The following SNTG2 variants were observed in gnomAD, a reference collection of about 807,000 sequenced individuals.
SNTG2 encodes gamma-2-syntrophin.
Under a neutral mutation model 70.9 loss-of-function variants are expected in SNTG2, and 74 were observed. That is an observed-to-expected ratio of 1.04 (90% CI 0.86 to 1.27). The LOEUF is 1.27. Ranked by LOEUF, SNTG2 falls within the 50% of genes most tolerant of loss-of-function variation. The pLI, the probability that SNTG2 is intolerant of heterozygous loss-of-function variation, is 0.00. For synonymous variants in SNTG2, 278 were observed against 273.8 expected, an observed-to-expected ratio of 1.02 and a Z score of -0.15; for missense variants, 717 against 690.7, an observed-to-expected ratio of 1.04 and a Z score of -0.43.
chr2:1,041,347 A>G (rs1402822352), intron 1 of SNTG2, among the ~76,000 whole-genome samples: 1 of 152,242 alleles, frequency 6.6e-6, no homozygotes, highest in Non-Finnish European at 1.5e-5. Context: ...AAAGTCTTTA[A>G]CATGTCTAGA....
intron 1 of SNTG2, among the ~76,000 whole-genome samples, chr2:1,070,610 C>A (rs968812603): frequency 6.6e-6 from 1 of 152,124 alleles, no homozygotes; most frequent in South Asian, 2.1e-4. Context: ...TAGAAAGTGA[C>A]ACAGCAGGGA....
chr2:1,304,376 T>C (rs11889939), intron 14 of SNTG2, among the ~76,000 whole-genome samples: 13,497 of 152,198 alleles, frequency 0.089, 734 homozygotes, highest in South Asian at 0.14. Flanking sequence ...AGTTACAGCA[T>C]CTCACCTGAG....
At chr2:1,335,131 G>T (rs779016047) in intron 16 of SNTG2, among the ~76,000 whole-genome samples, 2 of 152,108 alleles carry the variant, frequency 1.3e-5, no homozygotes, top group South Asian at 2.1e-4. Context: ...ACCCTAAAGC[G>T]CACTGAGCCT....
chr2:1,172,526 G>A (rs2147882126), intron 7 of SNTG2, among the ~76,000 whole-genome samples: 1 of 152,274 alleles, frequency 6.6e-6, no homozygotes, highest in Non-Finnish European at 1.5e-5. Context: ...TATGTCCCCT[G>A]GGTAATCCAT....
At chr2:1,055,308 T>G (rs1205497851) in intron 1 of SNTG2, among the ~76,000 whole-genome samples, 1 of 152,228 alleles carries the variant, frequency 6.6e-6, no homozygotes, top group African/African-American at 2.4e-5. Flanking sequence ...GGCTTCTTTC[T>G]GTAAGTTTTT....
intron 2 of SNTG2, among the ~76,000 whole-genome samples, chr2:1,084,334 C>T (rs1035973343): frequency 3.3e-5 from 5 of 152,166 alleles, no homozygotes; most frequent in African/African-American, 7.2e-5. Context: ...ACGGGTTTCC[C>T]GAGAAGGTCC....
chr2:1,139,197 T>G (rs2147768570), intron 6 of SNTG2, among the ~76,000 whole-genome samples: 1 of 152,260 alleles, frequency 6.6e-6, no homozygotes, highest in Middle Eastern at 3.4e-3. Flanking sequence ...GTAAAATTCT[T>G]GTGAGCAACA....
chr2:1,209,169 T>G lies in SNTG2; in HGVS notation c.658T>G (p.Leu220Val). 6.2e-7 allele frequency: 1 copy of G among 1,614,010 alleles called. No homozygotes were observed. The highest frequency in any genetic ancestry group is 8.5e-7 in the Non-Finnish European group (1 of 1,179,890). Residue 220 changes from leucine to valine, a missense_variant, in exon 9 of 17, where the codon TTG (leucine) becomes GTG (valine). Leu to Val is a conservative substitution (Grantham distance 32, BLOSUM62 1). Transcript: ENST00000308624. Reference sequence around the variant, plus strand: ...GTATGAGAAGCGCTGGCTGGACACCTTGTCCGTGCCTCTGTCCATGGCTCG... The same window carrying G: ...GTATGAGAAGCGCTGGCTGGACACCGTGTCCGTGCCTCTGTCCATGGCTCG... ...PRYEKRWLDT[L>V]SVPLSMARIS...
At chr2:1,207,203 G>T (rs910055147) in intron 8 of SNTG2, among the ~76,000 whole-genome samples, 1 of 152,202 alleles carries the variant, frequency 6.6e-6, no homozygotes, top group Non-Finnish European at 1.5e-5. Context: ...AGGTATTTCA[G>T]TGTCATTCTC....
At chr2:1,300,311 T>G (rs544154302) in intron 14 of SNTG2, among the ~76,000 whole-genome samples, 19 of 152,378 alleles carry the variant, frequency 1.2e-4, no homozygotes, top group African/African-American at 4.6e-4. Flanking sequence ...CCACTCACTC[T>G]TGGCTGATGG....
intron 14 of SNTG2, among the ~76,000 whole-genome samples, chr2:1,267,819 C>G (rs942040631): frequency 3.9e-5 from 6 of 152,162 alleles, no homozygotes; most frequent in Non-Finnish European, 8.8e-5. Context: ...ATGTGAGGAA[C>G]GGGCTGCATC....
At chr2:1,167,904 G>A (rs1670843821) in intron 7 of SNTG2, among the ~76,000 whole-genome samples, 2 of 125,276 alleles carry the variant, frequency 1.6e-5, no homozygotes, top group African/African-American at 6.5e-5. Flanking sequence ...CCCACAGACG[G>A]CAGAACTGAA....
chr2:959,396 T>G (rs1660277406), intron 1 of SNTG2, among the ~76,000 whole-genome samples: 1 of 152,204 alleles, frequency 6.6e-6, no homozygotes, highest in African/African-American at 2.4e-5. Flanking sequence ...CTTTATCAAA[T>G]TTTGTCGTGA....
chr2:987,886 G>T (rs7608441), intron 1 of SNTG2, among the ~76,000 whole-genome samples: 1 of 152,090 alleles, frequency 6.6e-6, no homozygotes, highest in African/African-American at 2.4e-5. Context: ...CATCACCAGC[G>T]CTCTCCGCTC....
intron 1 of SNTG2, among the ~76,000 whole-genome samples, chr2:1,045,964 G>A (rs1298725500): frequency 6.6e-6 from 1 of 152,102 alleles, no homozygotes; most frequent in East Asian, 1.9e-4. Flanking sequence ...TGTCAGTGGG[G>A]TGTTGAAATA....
chr2:1,221,789 C>T (rs1278770210), intron 9 of SNTG2, among the ~76,000 whole-genome samples: 5,850 of 6,396 alleles, frequency 0.91, 2,789 homozygotes, highest in Middle Eastern at 1. Flanking sequence ...CTGTCTCTGT[C>T]TCTGTCTGTC....
chr2:1,171,121 C>G (rs1411248112), intron 7 of SNTG2, among the ~76,000 whole-genome samples: 1 of 151,968 alleles, frequency 6.6e-6, no homozygotes, highest in Non-Finnish European at 1.5e-5. Flanking sequence ...GTCTATTTTT[C>G]TCATTAAGAA....
chr2:1,131,154 T>G (rs928705181), intron 4 of SNTG2, among the ~76,000 whole-genome samples: 3 of 152,152 alleles, frequency 2.0e-5, no homozygotes, highest in Non-Finnish European at 2.9e-5. Flanking sequence ...TGTAAGACAT[T>G]CTGGTCTGTT....
At chr2:1,073,243 G>T (rs1416743104) in intron 1 of SNTG2, among the ~76,000 whole-genome samples, 2 of 152,170 alleles carry the variant, frequency 1.3e-5, no homozygotes, top group Admixed American at 6.5e-5. Flanking sequence ...ATGCTACAGA[G>T]AAATCTTTCA....
Sources: allele counts gnomAD v4.1 joint callset (sites outside exome capture counted in the v4.1 genomes callset), GRCh38; gene constraint gnomAD v4.1.1; transcripts MANE v1.5; gene names NCBI Gene and HGNC (gene_info 2026-07-23, HGNC 2026-07-21).